PLEKHM2: variants seen among roughly 807,000 people sequenced by gnomAD.
PLEKHM2 encodes pleckstrin homology and RUN domain containing M2.
Under a neutral mutation model 116.3 loss-of-function variants are expected in PLEKHM2, and 77 were observed. That is an observed-to-expected ratio of 0.66 (90% CI 0.55 to 0.80). The LOEUF (loss-of-function observed/expected upper bound fraction) is 0.80. Ranked by LOEUF, PLEKHM2 falls within the 30% of genes least tolerant of loss-of-function variation. The pLI is 0.00. For missense variants in PLEKHM2, 1,183 were observed against 1,354.9 expected, an observed-to-expected ratio of 0.87 and a Z score of 1.99; for synonymous variants, 562 against 571.0, an observed-to-expected ratio of 0.98 and a Z score of 0.22.
rs1420213974 is a variant in PLEKHM2, at chr1:15,729,240, C to T, written c.2075+50C>T. The T allele has an allele frequency of 6.7e-7, 1 of 1,503,444 alleles. No homozygotes were observed. Among genetic ancestry groups the T allele is most frequent in the Non-Finnish European group, 9.1e-7 (1 of 1,096,004 alleles). The allele number at this position is 1,503,444 out of a possible 1,614,324, so 93.1% of individuals were successfully genotyped here. A position where few individuals can be genotyped will look rare whatever the true frequency, so the allele number is the denominator to read the frequency against. ...GAAGGATTGGAGAGTTCGCAGCCGC[C>T]CATAGGTGTGGGTGGCCTGGGGGTC... On this transcript the variant is annotated intron_variant, in intron 13 of 19. Transcript: ENST00000375799. This position sits in a 1 kb window ranked among gnomAD's most constrained non-coding sequence, Gnocchi z 4.7.
rs902926524 is a variant in PLEKHM2 at position 15,728,465 on chromosome 1, G to A, written c.1921+108G>A. The A allele has an allele frequency of 1.8e-6, 2 of 1,104,392 alleles. No individual in the cohort carries two copies. The highest frequency in any genetic ancestry group is 3.0e-5 in the South Asian group (2 of 67,004). 68.4% of individuals were successfully genotyped at this position (1,104,392 alleles called of 1,614,324 possible). Reference sequence around the variant, plus strand: ...GTGCCTCCCGGCTGCCTGGCATGCAGTGATGGAAAGGCACCCCAAGGAAGG... The same window carrying A: ...GTGCCTCCCGGCTGCCTGGCATGCAATGATGGAAAGGCACCCCAAGGAAGG... On this transcript the variant is annotated intron_variant, in intron 11 of 19. Transcript: ENST00000375799. This position sits in a 1 kb window ranked among gnomAD's most constrained non-coding sequence, Gnocchi z 5.9.
At position 15,734,050 on chromosome 1, in the gene PLEKHM2, C is replaced by T. The variant is rs2068188993; in HGVS notation, c.*116C>T. 3.3e-5 allele frequency: 39 copies of T among 1,186,776 alleles called. 1 individual carries two copies. In the South Asian group the frequency reaches 5.3e-4, roughly 16 times the overall value. 73.5% of individuals were successfully genotyped at this position (1,186,776 alleles called of 1,614,324 possible). A position where few individuals can be genotyped will look rare whatever the true frequency, so the allele number is the denominator to read the frequency against. On this transcript the variant is annotated 3_prime_UTR_variant, in exon 20 of 20. Coordinates refer to ENST00000375799, the MANE Select transcript of PLEKHM2 (RefSeq NM_015164.4). ...GCCTACAGTCCACCCCTGCCCTGGG[C>T]GGCAGAACCACCGAGTGTGGCTTAA...
At chr1:15,716,178 ACTTTTGTAGC>A in intron 1 of PLEKHM2, 49 bp from the exon 2 acceptor site, 1 of 1,086,828 alleles carries the variant, frequency 9.2e-7, no homozygotes, top group South Asian at 1.4e-5. Flanking sequence ...TGATTCCAGA[ACTTTTGTAGC>A]CTTCCTCTTA....
intron 7 of PLEKHM2, chr1:15,722,922 C>G (rs1484619034): frequency 6.6e-6 from 1 of 152,190 alleles, no homozygotes; most frequent in Admixed American, 6.5e-5. Flanking sequence ...CCTCTACAGC[C>G]TTTCAGAGCT....
intron 1 of PLEKHM2, among the ~76,000 whole-genome samples, chr1:15,696,570 C>T (rs1468592093): frequency 1.3e-5 from 2 of 152,012 alleles, no homozygotes; most frequent in African/African-American, 2.4e-5. Flanking sequence ...AGGCTGGTCT[C>T]GAACTCCTGA....
intron 7 of PLEKHM2, among the ~76,000 whole-genome samples, chr1:15,724,438 G>A (rs922663683): frequency 5.3e-5 from 8 of 151,618 alleles, no homozygotes; most frequent in Non-Finnish European, 7.4e-5. Flanking sequence ...AGCCGGGCTC[G>A]CGCCACTGCG....
chr1:15,686,647 A>AT (rs1361252513), intron 1 of PLEKHM2, among the ~76,000 whole-genome samples: 1 of 140,876 alleles, frequency 7.1e-6, no homozygotes, highest in Non-Finnish European at 1.5e-5. Flanking sequence ...CACCCGGCTA[A>AT]ATTTTTTTTT....
At chr1:15,730,055 C>A (rs6671925) in intron 14 of PLEKHM2, 126 bp downstream of exon 14, 3 of 2,718 alleles carry the variant, frequency 1.1e-3, no homozygotes, top group Non-Finnish European at 1.7e-3. Context: ...CTGGGCGGGG[C>A]GGGGCGGGGC....
rs1449623099 is a variant in PLEKHM2 at position 15,716,824 on chromosome 1, G to A, written c.277+8G>A. On this transcript the variant is annotated splice_region_variant and intron_variant, in intron 3 of 19. Coordinates refer to ENST00000375799, the MANE Select transcript of PLEKHM2 (RefSeq NM_015164.4). ...CCACCAACCTGGGGCGCAGTGAGTAGTCACAAGGAGACGCTGGGGAAGGGA... is the reference window on the plus strand; with the variant it reads ...CCACCAACCTGGGGCGCAGTGAGTAATCACAAGGAGACGCTGGGGAAGGGA... 6.4e-7 allele frequency: 1 copy of A among 1,556,306 alleles called. No individual in the cohort carries two copies. The highest frequency in any genetic ancestry group is 2.4e-5 in the East Asian group (1 of 41,332).
At chr1:15,731,765 A>C in intron 16 of PLEKHM2, 124 bp from the exon 17 acceptor site, 1 of 775,182 alleles carries the variant, frequency 1.3e-6, no homozygotes, top group Non-Finnish European at 2.0e-6. Flanking sequence ...ACCCTCTGGT[A>C]TCCTCCAGCC....
At position 15,728,922 on chromosome 1, in the gene PLEKHM2, G is replaced by A. The variant is rs934284883; in HGVS notation, c.1987-180G>A. Among the ~76,000 whole-genome samples, 2 of 152,216 alleles carry A rather than the reference G, an allele frequency of 1.3e-5. No homozygotes were observed. The highest frequency in any genetic ancestry group is 2.9e-5 in the Non-Finnish European group (2 of 68,042). ...ACCAAGCTTGAGGTTGCCTCTTCCC[G>A]TGCTAGACTTCTGACCGTCCCTCCC... On this transcript the variant is annotated intron_variant, in intron 12 of 19. Transcript: ENST00000375799. This position sits in a 1 kb window ranked among gnomAD's most constrained non-coding sequence, Gnocchi z 5.9.
intron 1 of PLEKHM2, among the ~76,000 whole-genome samples, chr1:15,701,745 T>C (rs562325906): frequency 2.0e-5 from 3 of 151,946 alleles, no homozygotes; most frequent in African/African-American, 2.4e-5. Context: ...GAGCCGAGAT[T>C]GCGCCACTGC....
chr1:15,718,421 C>G, intron 4 of PLEKHM2, 117 bp from the exon 5 acceptor site: 1 of 676,670 alleles, frequency 1.5e-6, no homozygotes, highest in South Asian at 1.7e-5. Context: ...AAGCTGGGTG[C>G]CGTCCAAGGT....
At position 15,728,957 on chromosome 1, in the gene PLEKHM2, C is replaced by A; in HGVS notation, c.1987-145C>A. The A allele has an allele frequency of 2.4e-6, 2 of 818,898 alleles. No individual in the cohort carries two copies. The highest frequency in any genetic ancestry group is 2.0e-6 in the Non-Finnish European group (1 of 502,610). 50.7% of individuals were successfully genotyped at this position (818,898 alleles called of 1,614,324 possible). Reference sequence around the variant, plus strand: ...TCTGACCGTCCCTCCCTCACTCATGCCAGCCCCTGGCCTCTGGGGCTTTAC... The same window carrying A: ...TCTGACCGTCCCTCCCTCACTCATGACAGCCCCTGGCCTCTGGGGCTTTAC... On this transcript the variant is annotated intron_variant, in intron 12 of 19. Transcript: ENST00000375799. The surrounding 1 kb of genome is among the most constrained non-coding windows in gnomAD (Gnocchi z 5.9).
intron 4 of PLEKHM2, 114 bp downstream of exon 4, chr1:15,718,106 C>A (rs137990328): frequency 1.4e-6 from 1 of 705,880 alleles, no homozygotes; most frequent in East Asian, 2.7e-5. Context: ...TGCCAGAGAG[C>A]CATTAGAACC....
intron 1 of PLEKHM2, among the ~76,000 whole-genome samples, chr1:15,712,527 A>G (rs1641355776): frequency 6.6e-6 from 1 of 152,212 alleles, no homozygotes; most frequent in Non-Finnish European, 1.5e-5. Flanking sequence ...CAGGAACTGG[A>G]TATGATATCC....
At position 15,727,617 on chromosome 1, in the gene PLEKHM2, G is replaced by A. The variant is rs1445690399; in HGVS notation, c.1545G>A (p.Arg515=). ...EGGGGEGQTP[R]PLEDTTREAQ... ...GAGGAGGAGAGGGACAGACGCCTCG[G>A]CCCCTAGAGGATACCACGAGGGAGG... The change falls in exon 9 of 20, where the codon CGG becomes CGA. Residue 515 remains arginine, a synonymous_variant. Coordinates refer to ENST00000375799, the MANE Select transcript of PLEKHM2 (RefSeq NM_015164.4). This position sits in a 1 kb window ranked among gnomAD's most constrained non-coding sequence, Gnocchi z 7.5. 2.5e-6 allele frequency: 4 copies of A among 1,587,584 alleles called. No homozygotes were observed. The highest frequency in any genetic ancestry group is 3.4e-6 in the Non-Finnish European group (4 of 1,167,700).
intron 15 of PLEKHM2, 64 bp from the exon 16 acceptor site, chr1:15,731,128 C>G (rs1341253244): frequency 1.6e-6 from 2 of 1,250,092 alleles, no homozygotes; most frequent in African/African-American, 3.0e-5. Flanking sequence ...ACCCTGGGAC[C>G]TGGGCTCCGC....
At chr1:15,700,337 C>G (rs992336095) in intron 1 of PLEKHM2, among the ~76,000 whole-genome samples, 3 of 152,120 alleles carry the variant, frequency 2.0e-5, no homozygotes, top group African/African-American at 7.2e-5. Flanking sequence ...ACTGCTTTAT[C>G]TCCAGGTGGG....
Sources: allele counts gnomAD v4.1 joint callset (sites outside exome capture counted in the v4.1 genomes callset), GRCh38; gene constraint gnomAD v4.1.1; non-coding constraint Gnocchi (gnomAD v3.1); transcripts MANE v1.5; gene names NCBI Gene and HGNC (gene_info 2026-07-23, HGNC 2026-07-21).